Variants in VPS33A observed in about 807,000 individuals in gnomAD.
VPS33A encodes vacuolar protein sorting-associated protein 33A.
A neutral mutation model predicts 71.8 loss-of-function variants in VPS33A; 32 were observed. The observed-to-expected ratio is 0.45, with a 90% CI of 0.34 to 0.60. The LOEUF is 0.60. VPS33A is among the 20% of genes least tolerant of loss of function. The pLI is 0.02. For missense variants in VPS33A, 625 were observed against 748.5 expected (o/e 0.84, Z 1.92); for synonymous variants, 311 against 292.7 (o/e 1.06, Z -0.64).
intron 7 of VPS33A, among the ~76,000 whole-genome samples, chr12:122,243,396 C>T (rs1397810536): frequency 6.9e-6 from 1 of 144,556 alleles, no homozygotes; most frequent in African/African-American, 2.9e-5. Flanking sequence ...CACTGCCCAG[C>T]TAGTTAAAAA....
chr12:122,233,228 C>CTT (rs11365018), intron 11 of VPS33A, among the ~76,000 whole-genome samples: 9 of 143,552 alleles, frequency 6.3e-5, no homozygotes, highest in Non-Finnish European at 1.5e-5. Context: ...TGGCATGAAA[C>CTT]TTTTTTTTTT....
At chr12:122,250,068 G>A in intron 5 of VPS33A, 23 bp from the exon 6 acceptor site, 1 of 1,573,804 alleles carries the variant, frequency 6.4e-7, no homozygotes, top group East Asian at 2.3e-5. Flanking sequence ...CATTGGATGA[G>A]GTGGGGCCCC....
chr12:122,232,401 G>A lies in VPS33A; in HGVS notation c.1636C>T (p.Leu546=). The change falls in exon 13 of 13, where the codon CTG becomes TTG. Residue 546 remains leucine, a synonymous_variant. Coordinates refer to ENST00000267199, the MANE Select transcript of VPS33A (RefSeq NM_022916.6). Reference sequence around the variant, plus strand: ...GTTACGCCCCCAAGGAAAAATATCAGAGTCACTCGGTTTTCTCCCGGTTGA... The same window carrying A: ...GTTACGCCCCCAAGGAAAAATATCAAAGTCACTCGGTTTTCTCCCGGTTGA... ...KRQPGENRVT[L]IFFLGGVTFA... is the part of the protein sequence containing the mutation. 6.2e-7 allele frequency: 1 copy of A among 1,612,952 alleles called. No homozygotes were observed.
intron 11 of VPS33A, among the ~76,000 whole-genome samples, chr12:122,234,958 C>T (rs1954610104): frequency 6.6e-6 from 1 of 152,156 alleles, no homozygotes; most frequent in Non-Finnish European, 1.5e-5. Context: ...CAAGGGCTCC[C>T]CACTGCACTG....
chr12:122,237,604 C>T (rs1004780756), intron 10 of VPS33A, among the ~76,000 whole-genome samples: 5 of 138,000 alleles, frequency 3.6e-5, no homozygotes, highest in Non-Finnish European at 7.5e-5. Context: ...ACTGCAGTGG[C>T]GCAATCTCGG....
intron 4 of VPS33A, among the ~76,000 whole-genome samples, chr12:122,255,165 G>A (rs1019540999): frequency 6.6e-6 from 1 of 151,910 alleles, no homozygotes; most frequent in African/African-American, 2.4e-5. Flanking sequence ...AGTTTGCTTC[G>A]GCTGCTACCA....
At chr12:122,244,053 T>G (rs939564530) in intron 7 of VPS33A, among the ~76,000 whole-genome samples, 13 of 152,180 alleles carry the variant, frequency 8.5e-5, no homozygotes, top group Non-Finnish European at 8.8e-5. Context: ...TGAGCAAGAA[T>G]AAACTAGTGA....
rs764746160 is a variant in VPS33A at position 122,244,623 on chromosome 12, G to A, written c.915C>T (p.Asn305=). The change falls in exon 7 of 13, where the codon AAC becomes AAT. Residue 305 remains asparagine (N), a synonymous_variant. Coordinates refer to ENST00000267199, the MANE Select transcript of VPS33A (RefSeq NM_022916.6). The part of the protein sequence containing the change: ...LYAEIRDKNF[N]AVGSVLSKKA... The stretch of plus-strand genomic sequence containing the variant: ...TCTTGCTGAGCACAGAGCCAACTGC[G>A]TTGAAGTTCTTATCTCGGATCTCAG... 6 of 1,614,006 alleles carry A rather than the reference G, an allele frequency of 3.7e-6. No individual in the cohort carries two copies. The highest frequency in any genetic ancestry group is 5.1e-6 in the Non-Finnish European group (6 of 1,179,898).
intron 4 of VPS33A, among the ~76,000 whole-genome samples, chr12:122,254,293 G>T (rs1348655994): frequency 6.6e-6 from 1 of 152,036 alleles, no homozygotes; most frequent in East Asian, 1.9e-4. Flanking sequence ...AAAAATCGGG[G>T]CTGACTTTAA....
At chr12:122,243,916 C>G (rs1954745096) in intron 7 of VPS33A, among the ~76,000 whole-genome samples, 1 of 150,810 alleles carries the variant, frequency 6.6e-6, no homozygotes, top group Non-Finnish European at 1.5e-5. Flanking sequence ...GAGACCCTGT[C>G]AAAAAAAAAT....
chr12:122,247,513 CAATAAT>C (rs774855983), intron 6 of VPS33A, among the ~76,000 whole-genome samples: 25 of 152,156 alleles, frequency 1.6e-4, no homozygotes, highest in Middle Eastern at 3.4e-3. Flanking sequence ...TTTTGACAAA[CAATAAT>C]AATAAGACTT....
Position 122,261,272 on chromosome 12 carries a change from C to G in VPS33A, c.472G>C (p.Gly158Arg). The change falls in exon 4 of 13, where the codon GGT becomes CGT. Residue 158 changes from glycine to arginine, a missense_variant. Physicochemically the swap from Gly to Arg is moderately radical, Grantham distance 125 (BLOSUM62 -2). Coordinates refer to ENST00000267199, the MANE Select transcript of VPS33A (RefSeq NM_022916.6). ...DGDLLSMESE[G>R]AFKECYLEGD... ...AATGCCAAACTTACTTTGAATGCAC[C>G]CTCTGATTCCATGGATAAGAGATCC... is the stretch of plus-strand genomic sequence containing the variant. The G allele has an allele frequency of 1.3e-6, 2 of 1,598,306 alleles. No homozygotes were observed. Among genetic ancestry groups the G allele is most frequent in the Non-Finnish European group, 1.7e-6 (2 of 1,174,740 alleles).
chr12:122,259,242 A>G (rs74739078), intron 4 of VPS33A, among the ~76,000 whole-genome samples: 8 of 149,848 alleles, frequency 5.3e-5, no homozygotes, highest in Non-Finnish European at 1.0e-4. Context: ...TTTTTGAGAC[A>G]GAGTTTCACT....
chr12:122,252,417 C>T (rs913098038), intron 4 of VPS33A, among the ~76,000 whole-genome samples: 1 of 151,972 alleles, frequency 6.6e-6, no homozygotes, highest in South Asian at 2.1e-4. Context: ...TACAGGCGCC[C>T]GCCACCACGC....
At chr12:122,249,781 T>C (rs1478471505) in intron 6 of VPS33A, 90 bp downstream of exon 6, 30 of 1,240,444 alleles carry the variant, frequency 2.4e-5, no homozygotes, top group Non-Finnish European at 3.1e-5. Context: ...CTTTAAATTA[T>C]GCTTAAGTGT....
At chr12:122,239,778 AAGGCAAGGCATG>A in intron 9 of VPS33A, 88 bp downstream of exon 9, 3 of 596,978 alleles carry the variant, frequency 5.0e-6, no homozygotes, top group Admixed American at 3.2e-5. Context: ...AAAAAAAAAA[AAGGCAAGGCATG>A]GGAATCAAAG....
At chr12:122,265,133 T>C (rs1430736736) in intron 1 of VPS33A, among the ~76,000 whole-genome samples, 3 of 152,036 alleles carry the variant, frequency 2.0e-5, no homozygotes, top group Admixed American at 6.6e-5. Context: ...TCACCCAGGC[T>C]GGTCTCCAAC....
intron 10 of VPS33A, among the ~76,000 whole-genome samples, chr12:122,237,693 G>A (rs936853816): frequency 4.5e-5 from 4 of 88,082 alleles, no homozygotes; most frequent in South Asian, 3.7e-4. Context: ...ACAGGCGCCC[G>A]CCACCGCGCC....
chr12:122,260,772 C>T (rs1283840608), intron 4 of VPS33A, among the ~76,000 whole-genome samples: 2 of 151,764 alleles, frequency 1.3e-5, no homozygotes, highest in East Asian at 1.9e-4. Context: ...GATCATGAAG[C>T]GGATCCTGGC....
Sources: gnomAD v4.1 joint callset for allele counts (sites outside exome capture counted in the v4.1 genomes callset) on GRCh38, gnomAD v4.1.1 for gene constraint, MANE v1.5 for transcripts, NCBI Gene and HGNC (gene_info 2026-07-23, HGNC 2026-07-21) for gene names.